TPD52L1: variants seen among roughly 807,000 people sequenced by gnomAD.
TPD52L1 encodes the protein TPD52 like 1.
TPD52L1 carries 18 observed loss-of-function variants against 28.7 expected under a neutral mutation model. The observed-to-expected ratio is 0.63, with a 90% CI of 0.43 to 0.93. TPD52L1 has a LOEUF of 0.93. TPD52L1 is among the 40% of genes least tolerant of loss of function. TPD52L1 has a pLI of 0.00. For missense variants in TPD52L1, 203 were observed against 254.8 expected (o/e 0.80, Z 1.39); for synonymous variants, 75 against 88.8 (o/e 0.84, Z 0.88).
At chr6:125,229,378 A>G (rs904766765) in intron 3 of TPD52L1, 112 bp downstream of exon 3, 25 of 1,096,960 alleles carry the variant, frequency 2.3e-5, no homozygotes, top group Non-Finnish European at 2.9e-5. Flanking sequence ...GCTAGGAAAA[A>G]AAAATACTTT....
chr6:125,158,409 T>C (rs1296077262), intron 1 of TPD52L1, among the ~76,000 whole-genome samples: 1 of 152,044 alleles, frequency 6.6e-6, no homozygotes, highest in Non-Finnish European at 1.5e-5. Context: ...CATTCTACAT[T>C]ATACATTATA....
chr6:125,163,593 A>AT (rs1274454787), intron 1 of TPD52L1, among the ~76,000 whole-genome samples: 1 of 151,522 alleles, frequency 6.6e-6, no homozygotes, highest in African/African-American at 2.4e-5. Context: ...AAAAAAAAAA[A>AT]AAAAGAACAA....
chr6:125,189,351 TA>T (rs1276108660), intron 1 of TPD52L1, among the ~76,000 whole-genome samples: 1 of 152,210 alleles, frequency 6.6e-6, no homozygotes, highest in Non-Finnish European at 1.5e-5. Context: ...GTGACTTATG[TA>T]CAGGCATTTA....
chr6:125,159,859 A>C (rs1274547328), intron 1 of TPD52L1, among the ~76,000 whole-genome samples: 1 of 152,126 alleles, frequency 6.6e-6, no homozygotes, highest in Non-Finnish European at 1.5e-5. Flanking sequence ...CTGTGTCCCC[A>C]CCCAAATCTC....
intron 1 of TPD52L1, among the ~76,000 whole-genome samples, chr6:125,203,150 G>A (rs1346178973): frequency 6.6e-6 from 1 of 152,078 alleles, no homozygotes; most frequent in Non-Finnish European, 1.5e-5. Context: ...AGAGAAGGAT[G>A]ATTTAAAGGT....
intron 5 of TPD52L1, 57 bp downstream of exon 5, chr6:125,253,812 T>A (rs1797424425): frequency 8.1e-6 from 12 of 1,477,436 alleles, no homozygotes; most frequent in Non-Finnish European, 9.5e-7. Context: ...TAAGGTGTTA[T>A]TTTATTTATA....
intron 1 of TPD52L1, among the ~76,000 whole-genome samples, chr6:125,182,716 T>G (rs1792287885): frequency 1.3e-5 from 2 of 152,238 alleles, no homozygotes; most frequent in African/African-American, 2.4e-5. Flanking sequence ...CCTGAAGAAC[T>G]GTCAGTAAAT....
Position 125,153,888 on chromosome 6 carries a change from A to T in TPD52L1, c.-64A>T. Reference sequence around the variant, plus strand: ...CCAGCTGCGTTCTGAGCCTGGGCGCAGCTGCCATCTGCTCTGGGAAGCACC... The same window carrying T: ...CCAGCTGCGTTCTGAGCCTGGGCGCTGCTGCCATCTGCTCTGGGAAGCACC... On this transcript the variant is annotated 5_prime_UTR_variant, in exon 1 of 7. Transcript: ENST00000534000. The T allele has an allele frequency of 6.4e-7, 1 of 1,554,504 alleles. No homozygotes were observed. The highest frequency in any genetic ancestry group is 8.7e-7 in the Non-Finnish European group (1 of 1,155,414).
chr6:125,154,063 A>G, intron 1 of TPD52L1, 93 bp downstream of exon 1: 1 of 1,499,704 alleles, frequency 6.7e-7, no homozygotes, highest in Non-Finnish European at 9.0e-7. Flanking sequence ...CGGACAGAAC[A>G]GATTGGTGCC....
chr6:125,209,079 C>T (rs184928151), intron 1 of TPD52L1, among the ~76,000 whole-genome samples: 5 of 152,294 alleles, frequency 3.3e-5, no homozygotes, highest in African/African-American at 7.2e-5. Context: ...TGATACTGGC[C>T]GCCCAACTTG....
chr6:125,241,648 C>T (rs908819281), intron 3 of TPD52L1, among the ~76,000 whole-genome samples: 3 of 151,974 alleles, frequency 2.0e-5, no homozygotes, highest in Non-Finnish European at 4.4e-5. Context: ...GTTTGTATTT[C>T]TGTGGTATCA....
chr6:125,231,707 G>A (rs571429020), intron 3 of TPD52L1, among the ~76,000 whole-genome samples: 4 of 152,218 alleles, frequency 2.6e-5, no homozygotes, highest in Middle Eastern at 3.4e-3. Context: ...ATCAACAGTG[G>A]TTTGCAGGTG....
intron 1 of TPD52L1, among the ~76,000 whole-genome samples, chr6:125,199,265 T>C (rs1793640541): frequency 6.6e-6 from 1 of 152,242 alleles, no homozygotes; most frequent in African/African-American, 2.4e-5. Flanking sequence ...AGTAATGTAG[T>C]ATAAAAAATG....
chr6:125,205,734 C>G (rs1562280732), intron 1 of TPD52L1, among the ~76,000 whole-genome samples: 1 of 152,082 alleles, frequency 6.6e-6, no homozygotes, highest in African/African-American at 2.4e-5. Flanking sequence ...ATTTTGGTGA[C>G]TTAATAATAC....
At chr6:125,174,111 G>A (rs1401102346) in intron 1 of TPD52L1, among the ~76,000 whole-genome samples, 3 of 152,144 alleles carry the variant, frequency 2.0e-5, no homozygotes, top group Admixed American at 2.0e-4. Context: ...TGATTGAGTG[G>A]CATGATGCAG....
intron 2 of TPD52L1, among the ~76,000 whole-genome samples, chr6:125,222,532 G>T (rs979056821): frequency 6.6e-6 from 1 of 152,214 alleles, no homozygotes; most frequent in Non-Finnish European, 1.5e-5. Flanking sequence ...TCTTGAGTGT[G>T]CCAGGTGTCC....
chr6:125,187,596 A>T (rs1792726451), intron 1 of TPD52L1, among the ~76,000 whole-genome samples: 8 of 152,224 alleles, frequency 5.3e-5, no homozygotes. Context: ...TAAAAGAATG[A>T]ATTTTAACTC....
chr6:125,201,201 A>G (rs955079789), intron 1 of TPD52L1, among the ~76,000 whole-genome samples: 1 of 152,202 alleles, frequency 6.6e-6, no homozygotes, highest in African/African-American at 2.4e-5. Flanking sequence ...AATTATCTCT[A>G]GCCATTGTAG....
At chr6:125,218,053 G>C (rs1794996962) in intron 1 of TPD52L1, among the ~76,000 whole-genome samples, 1 of 152,172 alleles carries the variant, frequency 6.6e-6, no homozygotes, top group African/African-American at 2.4e-5. Context: ...AATGGCGTCT[G>C]ATGTGCATGT....
Sources: allele counts gnomAD v4.1 joint callset (sites outside exome capture counted in the v4.1 genomes callset), GRCh38; gene constraint gnomAD v4.1.1; transcripts MANE v1.5; gene names NCBI Gene and HGNC (gene_info 2026-07-23, HGNC 2026-07-21).